The following BRI3 variants were observed in gnomAD, a reference collection of about 807,000 sequenced individuals.
BRI3 encodes the protein membrane protein BRI3.
BRI3 carries 6 observed loss-of-function variants against 12.8 expected under a neutral mutation model. The observed-to-expected ratio is 0.47, with a 90% CI of 0.26 to 0.93. The LOEUF (loss-of-function observed/expected upper bound fraction) is 0.93, where lower values mean the gene tolerates loss of function less well. BRI3 is among the 40% of genes least tolerant of loss of function. BRI3 has a pLI of 0.15. For synonymous variants in BRI3, 91 were observed against 76.1 expected (o/e 1.20, Z -1.02); for missense variants, 134 against 171.1 (o/e 0.78, Z 1.21).
At chr7:98,313,111 CT>C (rs1299783305), downstream of BRI3, among the ~76,000 whole-genome samples, 2 of 150,934 alleles carry the variant, frequency 1.3e-5, no homozygotes, top group South Asian at 2.1e-4. Context: ...CACACCACCC[CT>C]GTCCCCAAAT....
intron 1 of BRI3, among the ~76,000 whole-genome samples, chr7:98,298,987 C>T (rs117532461): frequency 2.6e-5 from 4 of 152,008 alleles, no homozygotes; most frequent in Non-Finnish European, 4.4e-5. Flanking sequence ...CAGGTATATG[C>T]CACCATGCCT....
chr7:98,314,422 C>T (rs918452397), downstream of BRI3, among the ~76,000 whole-genome samples: 9 of 152,200 alleles, frequency 5.9e-5, no homozygotes, highest in Non-Finnish European at 1.2e-4. Flanking sequence ...TATATTGGAA[C>T]ACTCTCTAAC....
downstream of BRI3, among the ~76,000 whole-genome samples, chr7:98,295,244 G>A (rs1327653440): frequency 6.6e-6 from 1 of 152,182 alleles, no homozygotes; most frequent in Non-Finnish European, 1.5e-5. Context: ...TACAGGCTGT[G>A]GAGACGGAAG....
At chr7:98,314,288 T>G (rs1481732423), downstream of BRI3, among the ~76,000 whole-genome samples, 1 of 152,178 alleles carries the variant, frequency 6.6e-6, no homozygotes, top group East Asian at 1.9e-4. Context: ...CAGTCCTGAA[T>G]ATTCCTTAAA....
At chr7:98,304,705 GC>G (rs1469506695), upstream of BRI3, among the ~76,000 whole-genome samples, 3 of 151,986 alleles carry the variant, frequency 2.0e-5, no homozygotes, top group East Asian at 5.8e-4. Flanking sequence ...ACGCCAGTGT[GC>G]CCAGCTAATT....
downstream of BRI3, chr7:98,292,879 G>T (rs1329331944): frequency 2.1e-6 from 3 of 1,440,684 alleles, no homozygotes; most frequent in Non-Finnish European, 1.8e-6. Context: ...TCTCGGAGGA[G>T]ATTTCGTCGA....
chr7:98,302,270 G>C (rs1264905041), upstream of BRI3, among the ~76,000 whole-genome samples: 1 of 152,180 alleles, frequency 6.6e-6, no homozygotes, highest in African/African-American at 2.4e-5. Context: ...CGCTGACAAT[G>C]ACACGTTTTC....
Position 98,282,839 on chromosome 7 carries a change from T to C in BRI3, c.245+386T>C, listed in dbSNP as rs1799574246. 6 of 198,186 alleles carry C rather than the reference T, an allele frequency of 3.0e-5. No individual in the cohort carries two copies. The South Asian group carries it at 4.8e-4, about 16-fold the overall frequency. The allele number at this position is 198,186 out of a possible 1,614,324, so 12.3% of individuals were successfully genotyped here. ...CGCAAGTTTACTCTGCAGTTGATCG[T>C]CGAAGGTGGTGGAAGGTTTCATTTT... On this transcript the variant is annotated intron_variant, in intron 2 of 2. Coordinates refer to ENST00000297290, the MANE Select transcript of BRI3 (RefSeq NM_015379.5).
At chr7:98,306,486 C>T (rs775794764), upstream of BRI3, 1 of 1,614,178 alleles carries the variant, frequency 6.2e-7, no homozygotes, top group Non-Finnish European at 8.5e-7. Flanking sequence ...CTTCCAGCAA[C>T]TTCGTGTACG....
At chr7:98,322,509 C>T in the BRI3 span, among the ~76,000 whole-genome samples, 1 of 152,302 alleles carries the variant, frequency 6.6e-6, no homozygotes, top group African/African-American at 2.4e-5. Flanking sequence ...AGGCCATCAT[C>T]GGAGCCACCT....
chr7:98,293,031 A>G, downstream of BRI3: 1 of 952,932 alleles, frequency 1.0e-6, no homozygotes, highest in Non-Finnish European at 1.3e-6. Context: ...TTTATATAGT[A>G]TTTTCATAAT....
At chr7:98,282,262 G>T in intron 1 of BRI3, 89 bp from the exon 2 acceptor site, 1 of 1,152,482 alleles carries the variant, frequency 8.7e-7, no homozygotes, top group Non-Finnish European at 1.3e-6. Flanking sequence ...TTTTTAGCGG[G>T]GTGGAGGTTG....
chr7:98,290,455 A>G (rs1799886355), intron 2 of BRI3, among the ~76,000 whole-genome samples: 1 of 148,950 alleles, frequency 6.7e-6, no homozygotes, highest in African/African-American at 2.5e-5. Flanking sequence ...TCGGCCTCCC[A>G]AAGTGCTGGG....
intron 2 of BRI3, among the ~76,000 whole-genome samples, chr7:98,287,709 C>T (rs539651413): frequency 1.1e-4 from 16 of 152,190 alleles, no homozygotes; most frequent in African/African-American, 3.6e-4. Flanking sequence ...AGCAGGAGGG[C>T]GCTGCTGCTC....
At chr7:98,290,969 G>GGGGCT in intron 2 of BRI3, 142 bp from the exon 3 acceptor site, 1 of 737,484 alleles carries the variant, frequency 1.4e-6, no homozygotes, top group East Asian at 2.7e-5. Context: ...GGTGGGGTGG[G>GGGGCT]GGGCTGTTTT....
downstream of BRI3, chr7:98,292,443 G>C: frequency 1.7e-6 from 1 of 587,816 alleles, no homozygotes; most frequent in Non-Finnish European, 3.0e-6. Context: ...CAAAATGCTG[G>C]GATTCCCGTA....
downstream of BRI3, among the ~76,000 whole-genome samples, chr7:98,294,892 G>A (rs1010347351): frequency 2.0e-5 from 3 of 152,166 alleles, no homozygotes; most frequent in Admixed American, 6.5e-5. Context: ...CACCCAGGGC[G>A]AGCCAGGGCC....
intron 2 of BRI3, among the ~76,000 whole-genome samples, chr7:98,284,559 G>A (rs1311833840): frequency 6.6e-6 from 1 of 152,236 alleles, no homozygotes; most frequent in Non-Finnish European, 1.5e-5. Context: ...CCGGGAGACA[G>A]GATACCACTC....
At chr7:98,290,743 C>CCCGCCT (rs1168726523) in intron 2 of BRI3, among the ~76,000 whole-genome samples, 1 of 152,216 alleles carries the variant, frequency 6.6e-6, no homozygotes. Context: ...AGGTGATCCA[C>CCCGCCT]CCGCCTCCGC....
Sources: allele counts gnomAD v4.1 joint callset (sites outside exome capture counted in the v4.1 genomes callset), GRCh38; gene constraint gnomAD v4.1.1; transcripts MANE v1.5; gene names NCBI Gene and HGNC (gene_info 2026-07-23, HGNC 2026-07-21).